Variants in IGSF10 observed in about 807,000 individuals in gnomAD.
IGSF10 encodes the protein calvaria mechanical force protein 608.
A neutral mutation model predicts 128.2 loss-of-function variants in IGSF10; 126 were observed. The observed-to-expected ratio is 0.98, with a 90% CI of 0.85 to 1.14. The LOEUF is 1.14. IGSF10 is among the 50% of genes most tolerant of loss of function. The pLI is 0.00. For synonymous variants in IGSF10, 1,185 were observed against 1,146.2 expected (o/e 1.03, Z -0.68); for missense variants, 3,295 against 3,149.8 (o/e 1.05, Z -1.10).
chr3:151,571,065 G>C, the IGSF10 span, among the ~76,000 whole-genome samples: 13 of 152,256 alleles, frequency 8.5e-5, no homozygotes, highest in African/African-American at 2.9e-4. Context: ...TGTTATTTCT[G>C]AGGCCTCTGT....
At chr3:151,563,089 G>A in the IGSF10 span, among the ~76,000 whole-genome samples, 1 of 148,146 alleles carries the variant, frequency 6.8e-6, no homozygotes, top group East Asian at 2.0e-4. Flanking sequence ...GGATTCCTTA[G>A]CTCAGAACTC....
chr3:151,521,402 CT>C, the IGSF10 span, among the ~76,000 whole-genome samples: 1 of 151,768 alleles, frequency 6.6e-6, no homozygotes, highest in Non-Finnish European at 1.5e-5. Context: ...CAAAAACAGA[CT>C]ATCATGCTTC....
the IGSF10 span, among the ~76,000 whole-genome samples, chr3:151,512,674 G>T: frequency 6.6e-6 from 1 of 152,076 alleles, no homozygotes; most frequent in Non-Finnish European, 1.5e-5. Flanking sequence ...ATGAATCCAG[G>T]AGCTGGTTTT....
the IGSF10 span, among the ~76,000 whole-genome samples, chr3:151,570,818 G>A: frequency 5.3e-5 from 8 of 152,174 alleles, no homozygotes; most frequent in Non-Finnish European, 1.2e-4. Context: ...CCATGCCTGT[G>A]TCCTGAATAG....
At chr3:151,470,256 A>G in the IGSF10 span, among the ~76,000 whole-genome samples, 1 of 152,180 alleles carries the variant, frequency 6.6e-6, no homozygotes, top group Non-Finnish European at 1.5e-5. Flanking sequence ...ACTTTCATAC[A>G]AAGGTCACAA....
At chr3:151,505,262 G>A in the IGSF10 span, among the ~76,000 whole-genome samples, 1 of 152,142 alleles carries the variant, frequency 6.6e-6, no homozygotes, top group African/African-American at 2.4e-5. Context: ...AAGCAAACAT[G>A]TCCTCCTTCA....
rs201186884 is a variant in IGSF10, at chr3:151,445,513, C to T, written c.4468G>A (p.Val1490Met). ...ATAAGCCCGGAAATGGGAGTCGCCA[C>T]GTTGTCAGTAACTGCTCTCTGAGTA... ...PFTQRAVTDN[V>M]ATPISGLMTN... Residue 1490 changes from valine (V) to methionine (M), a missense_variant, in exon 6 of 8, where the codon GTG (valine) becomes ATG (methionine). By Grantham distance (21) the Val-to-Met change is conservative. Coordinates refer to ENST00000282466, the MANE Select transcript of IGSF10 (RefSeq NM_178822.5). 1.8e-4 allele frequency: 290 copies of T among 1,614,084 alleles called. No homozygotes were observed. In the Middle Eastern group the frequency reaches 3.3e-3, roughly 18 times the overall value.
chr3:151,440,740 A>G, intron 7 of IGSF10: 1 of 439,176 alleles, frequency 2.3e-6, no homozygotes, highest in South Asian at 1.6e-5. Context: ...CCAGAATTTG[A>G]CTTAATATGT....
chr3:151,614,116 A>G, the IGSF10 span, among the ~76,000 whole-genome samples: 4 of 152,216 alleles, frequency 2.6e-5, no homozygotes, highest in African/African-American at 4.8e-5. Context: ...CAAAACCACA[A>G]TGAGATACCA....
the IGSF10 span, among the ~76,000 whole-genome samples, chr3:151,598,200 T>C: frequency 6.6e-6 from 1 of 152,202 alleles, no homozygotes; most frequent in South Asian, 2.1e-4. Flanking sequence ...TAGTGGATTG[T>C]ATACCAGTGT....
In IGSF10 at chr3:151,445,546, G is replaced by A. The variant is rs1334448620; in HGVS notation, c.4435C>T (p.Pro1479Ser). 6.8e-6 allele frequency: 11 copies of A among 1,614,182 alleles called. No individual in the cohort carries two copies. The highest frequency in any genetic ancestry group is 2.2e-5 in the South Asian group (2 of 91,084). Reference protein sequence around the residue: ...SATLMPVPISPPFTQRAVTDN... With the variant: ...SATLMPVPISSPFTQRAVTDN... ...GTAACTGCTCTCTGAGTAAAGGGAG[G>A]GGAGATGGGAACTGGCATTAGAGTA... Residue 1479 changes from proline to serine, a missense_variant, in exon 6 of 8, where the codon CCT becomes TCT. Coordinates refer to ENST00000282466, the MANE Select transcript of IGSF10 (RefSeq NM_178822.5).
chr3:151,432,811 A>C (rs1020564876), downstream of IGSF10: 1 of 1,610,364 alleles, frequency 6.2e-7, no homozygotes, highest in Non-Finnish European at 8.5e-7. Flanking sequence ...CTGAATCTGC[A>C]AGAGGAGAAG....
chr3:151,591,372 AATT>A, the IGSF10 span, among the ~76,000 whole-genome samples: 3 of 144,814 alleles, frequency 2.1e-5, no homozygotes, highest in Non-Finnish European at 4.6e-5. Context: ...TGATGATTAT[AATT>A]ATTTTACATA....
chr3:151,608,454 T>C, the IGSF10 span, among the ~76,000 whole-genome samples: 1 of 152,240 alleles, frequency 6.6e-6, no homozygotes, highest in African/African-American at 2.4e-5. Flanking sequence ...TCAGGTTTCA[T>C]TGGAAGAGAC....
the IGSF10 span, among the ~76,000 whole-genome samples, chr3:151,601,793 G>A: frequency 1.1e-4 from 16 of 152,290 alleles, no homozygotes; most frequent in East Asian, 2.1e-3. Flanking sequence ...GGCATTAAAC[G>A]AAATGAACTC....
chr3:151,504,178 C>A, the IGSF10 span, among the ~76,000 whole-genome samples: 9 of 152,140 alleles, frequency 5.9e-5, no homozygotes, highest in Non-Finnish European at 1.0e-4. Flanking sequence ...CAAAGTTAAA[C>A]TACAAATTCC....
the IGSF10 span, among the ~76,000 whole-genome samples, chr3:151,585,736 T>C: frequency 2.1e-3 from 314 of 152,232 alleles, 1 homozygote; most frequent in African/African-American, 7.3e-3. Flanking sequence ...AGATATAATA[T>C]ATTTTATTTG....
rs73010404 is a variant in IGSF10 at position 151,447,816 on chromosome 3, C to A, written c.2165G>T (p.Arg722Leu). 8 of 1,614,082 alleles carry A rather than the reference C, an allele frequency of 5.0e-6. No homozygotes were observed. The highest frequency in any genetic ancestry group is 6.8e-6 in the Non-Finnish European group (8 of 1,180,014). ...TCCACGTCGCTGGAGTGTTAATTCC[C>A]GATAGTTGTGCCTCTTACTTGTGCT... ...TSSTSKRHNY[R>L]ELTLQRRGDS... is the part of the protein sequence containing the mutation. Residue 722 changes from arginine to leucine, a missense_variant, in exon 6 of 8, where the codon CGG becomes CTG. By Grantham distance (102) the Arg-to-Leu change is moderately radical. Coordinates refer to ENST00000282466, the MANE Select transcript of IGSF10 (RefSeq NM_178822.5).
intron 7 of IGSF10, chr3:151,440,654 G>C (rs1030628390): frequency 8.8e-6 from 4 of 456,674 alleles, no homozygotes; most frequent in Admixed American, 4.7e-5. Context: ...CTTTCTAAAA[G>C]TATTGGTTCT....
Sources: allele counts gnomAD v4.1 joint callset (sites outside exome capture counted in the v4.1 genomes callset), GRCh38; gene constraint gnomAD v4.1.1; transcripts MANE v1.5; gene names NCBI Gene and HGNC (gene_info 2026-07-23, HGNC 2026-07-21).